Variants in FGF10 observed in about 807,000 individuals in gnomAD.
The protein encoded by FGF10 is FGF-10.
In FGF10, 2 loss-of-function variants were observed where a neutral mutation model predicts 19.8. That is an observed-to-expected ratio of 0.10 (90% CI 0.04 to 0.32). The LOEUF (loss-of-function observed/expected upper bound fraction) is 0.32, where lower values mean the gene tolerates loss of function less well. FGF10 is among the 10% of genes least tolerant of loss of function. The pLI is 1.00. For missense variants in FGF10, 191 were observed against 246.3 expected (o/e 0.78, Z 1.50); for synonymous variants, 112 against 94.0 (o/e 1.19, Z -1.10).
intron 1 of FGF10, among the ~76,000 whole-genome samples, chr5:44,340,806 T>C (rs557203626): frequency 1.7e-4 from 25 of 149,706 alleles, no homozygotes; most frequent in South Asian, 6.3e-4. Context: ...GAATTAGGAA[T>C]GTATGTGTTG....
At chr5:44,367,906 A>T (rs1386677179) in intron 1 of FGF10, among the ~76,000 whole-genome samples, 5 of 151,758 alleles carry the variant, frequency 3.3e-5, no homozygotes, top group Admixed American at 6.6e-5. Flanking sequence ...AAAGTAATTT[A>T]AAAAAAACAC....
chr5:44,322,291 G>A (rs992382541), intron 1 of FGF10, among the ~76,000 whole-genome samples: 3 of 152,198 alleles, frequency 2.0e-5, no homozygotes, highest in Non-Finnish European at 4.4e-5. Flanking sequence ...CTGTGTTCAA[G>A]TCAGCAAAAG....
chr5:44,337,133 C>A (rs948301610), intron 1 of FGF10, among the ~76,000 whole-genome samples: 1 of 135,876 alleles, frequency 7.4e-6, no homozygotes, highest in African/African-American at 2.6e-5. Flanking sequence ...AATGTTATTA[C>A]ATTTTTTTTC....
chr5:44,316,331 G>A (rs1290041845), intron 1 of FGF10, among the ~76,000 whole-genome samples: 1 of 152,138 alleles, frequency 6.6e-6, no homozygotes, highest in Admixed American at 6.6e-5. Context: ...AAGAATCTCA[G>A]AGAGTGGGTG....
chr5:44,365,726 G>C (rs1306400960), intron 1 of FGF10, among the ~76,000 whole-genome samples: 2 of 151,986 alleles, frequency 1.3e-5, no homozygotes, highest in African/African-American at 4.8e-5. Flanking sequence ...GTTCATTTCA[G>C]TGTGGAGAAC....
intron 1 of FGF10, among the ~76,000 whole-genome samples, chr5:44,372,490 A>T (rs193086505): frequency 9.7e-4 from 147 of 152,288 alleles, no homozygotes; most frequent in African/African-American, 3.4e-3. Context: ...CACACATTCC[A>T]GGGATTACAG....
chr5:44,307,409 A>G (rs187330102), intron 2 of FGF10, among the ~76,000 whole-genome samples: 2 of 152,182 alleles, frequency 1.3e-5, no homozygotes, highest in African/African-American at 4.8e-5. Context: ...TCCTTAAATC[A>G]TGCTCTATGA....
At chr5:44,349,688 TA>T (rs5867662) in intron 1 of FGF10, among the ~76,000 whole-genome samples, 97,906 of 148,258 alleles carry the variant, frequency 0.66, 32,562 homozygotes, top group South Asian at 0.71. Context: ...CATAGAAAAC[TA>T]AAAAAACTCT....
chr5:44,306,249 T>C (rs972338081), intron 2 of FGF10, among the ~76,000 whole-genome samples: 2 of 151,894 alleles, frequency 1.3e-5, no homozygotes, highest in Non-Finnish European at 2.9e-5. Context: ...TAGAAAAAAT[T>C]AGCCAGGCGT....
chr5:44,383,022 A>G (rs760484823), intron 1 of FGF10, among the ~76,000 whole-genome samples: 9 of 152,158 alleles, frequency 5.9e-5, no homozygotes, highest in Non-Finnish European at 1.2e-4. Context: ...AGCATAATAA[A>G]GAAATATCAT....
At chr5:44,340,246 C>T (rs1050698196) in intron 1 of FGF10, among the ~76,000 whole-genome samples, 18 of 152,044 alleles carry the variant, frequency 1.2e-4, no homozygotes, top group African/African-American at 3.9e-4. Context: ...GGTGAATGAA[C>T]TGAAAGTAGC....
intron 1 of FGF10, among the ~76,000 whole-genome samples, chr5:44,350,004 A>T (rs992839278): frequency 1.3e-5 from 2 of 151,150 alleles, no homozygotes; most frequent in African/African-American, 4.8e-5. Context: ...ATGACAAAAG[A>T]TGAACAACAG....
intron 1 of FGF10, among the ~76,000 whole-genome samples, chr5:44,342,775 C>G (rs1169029005): frequency 6.6e-6 from 1 of 151,892 alleles, no homozygotes; most frequent in African/African-American, 2.4e-5. Context: ...ATGATGTCTC[C>G]AAATTTGGGG....
At chr5:44,352,756 G>T (rs1288536678) in intron 1 of FGF10, among the ~76,000 whole-genome samples, 2 of 151,532 alleles carry the variant, frequency 1.3e-5, no homozygotes, top group Non-Finnish European at 3.0e-5. Flanking sequence ...ATTTGAAAGT[G>T]CTCCCAGGAT....
intron 1 of FGF10, among the ~76,000 whole-genome samples, chr5:44,386,175 T>C (rs1049956114): frequency 6.6e-6 from 1 of 152,138 alleles, no homozygotes; most frequent in Non-Finnish European, 1.5e-5. Flanking sequence ...ATTGTAAAGA[T>C]GAAATTCAGT....
At chr5:44,382,221 G>A (rs1742000930) in intron 1 of FGF10, among the ~76,000 whole-genome samples, 1 of 152,134 alleles carries the variant, frequency 6.6e-6, no homozygotes, top group Non-Finnish European at 1.5e-5. Context: ...TACTCTGAGT[G>A]TCTTCTTTGA....
chr5:44,318,337 T>C (rs894370701), intron 1 of FGF10, among the ~76,000 whole-genome samples: 1 of 152,206 alleles, frequency 6.6e-6, no homozygotes, highest in Non-Finnish European at 1.5e-5. Context: ...AAAACATATT[T>C]CTATATAAAG....
chr5:44,389,093 A>G lies in FGF10; in HGVS notation c.-411T>C. On this transcript the variant is annotated 5_prime_UTR_variant, in exon 1 of 3. Transcript: ENST00000264664. ...ATGACAGCACGGTGAACAAAACCCA[A>G]GGGAGGTGGGGTGGGGAATAGGGGG... is the stretch of plus-strand genomic sequence containing the variant. The G allele has an allele frequency of 3.2e-6, 1 of 309,346 alleles. No homozygotes were observed. Among genetic ancestry groups the G allele is most frequent in the Non-Finnish European group, 6.4e-6 (1 of 156,862 alleles). The allele number at this position is 309,346 out of a possible 1,614,324, so 19.2% of individuals were successfully genotyped here.
chr5:44,312,932 A>C (rs951982893), intron 1 of FGF10, among the ~76,000 whole-genome samples: 2 of 152,068 alleles, frequency 1.3e-5, no homozygotes, highest in Non-Finnish European at 2.9e-5. Flanking sequence ...GTTATTTCTG[A>C]GGATGAACTG....
Sources: allele counts gnomAD v4.1 joint callset (sites outside exome capture counted in the v4.1 genomes callset), GRCh38; gene constraint gnomAD v4.1.1; transcripts MANE v1.5; gene names NCBI Gene and HGNC (gene_info 2026-07-23, HGNC 2026-07-21).